ZNF570: variants seen among roughly 807,000 people sequenced by gnomAD.
ZNF570 encodes the protein zinc finger protein 570.
Under a neutral mutation model 14.2 loss-of-function variants are expected in ZNF570, and 8 were observed. That is an observed-to-expected ratio of 0.56 (90% confidence interval 0.33 to 1.02). The LOEUF (loss-of-function observed/expected upper bound fraction) is 1.02, where lower values mean the gene tolerates loss of function less well. Ranked by LOEUF, ZNF570 falls within the 50% of genes least tolerant of loss-of-function variation. ZNF570 has a pLI of 0.03. For missense variants in ZNF570, 559 were observed against 624.9 expected, an observed-to-expected ratio of 0.89 and a Z score of 1.12; for synonymous variants, 202 against 207.6, an observed-to-expected ratio of 0.97 and a Z score of 0.23.
At chr19:37,477,650 A>T (rs925604467) in intron 4 of ZNF570, among the ~76,000 whole-genome samples, 2 of 152,054 alleles carry the variant, frequency 1.3e-5, no homozygotes, top group African/African-American at 2.4e-5. Flanking sequence ...CCTGTAGCTT[A>T]TGTTTTTGAT....
Position 37,470,374 on chromosome 19 carries a change from A to G in ZNF570, c.20A>G (p.Lys7Arg), listed in dbSNP as rs1191899474. Residue 7 changes from lysine (K) to arginine (R), a missense_variant, in exon 2 of 5, where the codon AAA becomes AGA. By Grantham distance (26) the Lys-to-Arg change is conservative. Transcript: ENST00000330173. ...GAAAGAATGGCTGTTGGGCTTCTTAAAGCCATGTACCAGGTGTGTTGGTGT... is the reference window on the plus strand; with the variant it reads ...GAAAGAATGGCTGTTGGGCTTCTTAGAGCCATGTACCAGGTGTGTTGGTGT... MAVGLL[K>R]AMYQELVTFR... The G allele has an allele frequency of 6.2e-7, 1 of 1,613,954 alleles. No homozygotes were observed. Among genetic ancestry groups the G allele is most frequent in the African/African-American group, 1.3e-5 (1 of 74,914 alleles).
At chr19:37,473,825 A>G (rs2147006651) in intron 2 of ZNF570, among the ~76,000 whole-genome samples, 1 of 152,336 alleles carries the variant, frequency 6.6e-6, no homozygotes, top group Non-Finnish European at 1.5e-5. Flanking sequence ...GTGCTGAAGA[A>G]TTTAAGGACT....
upstream of ZNF570, chr19:37,469,289 C>T: frequency 7.1e-7 from 1 of 1,415,098 alleles, no homozygotes; most frequent in South Asian, 1.5e-5. Context: ...CTACGTTTCC[C>T]AGCGGACCCC....
At chr19:37,481,273 C>A (rs1304238089) in intron 4 of ZNF570, among the ~76,000 whole-genome samples, 1 of 152,038 alleles carries the variant, frequency 6.6e-6, no homozygotes, top group Non-Finnish European at 1.5e-5. Context: ...CCTGCCTCAG[C>A]CTCCCGAGTA....
At position 37,486,313 on chromosome 19, in the gene ZNF570, A is replaced by C. The variant is rs572180525; in HGVS notation, c.*1080A>C. 2 of 152,266 alleles carry C rather than the reference A, an allele frequency of 1.3e-5. No homozygotes were observed. The highest frequency in any genetic ancestry group is 3.9e-4 in the East Asian group (2 of 5,182). 9.4% of individuals were successfully genotyped at this position (152,266 alleles called of 1,614,324 possible). A position where few individuals can be genotyped will look rare whatever the true frequency, so the allele number is the denominator to read the frequency against. On this transcript the variant is annotated 3_prime_UTR_variant, in exon 5 of 5. Transcript: ENST00000330173. ...CTATGGCATTGCGTGACTTTGAGCA[A>C]TTTGCTTATCTAAACCTCAGGGTTT...
chr19:37,470,326 C>A lies in ZNF570; in HGVS notation c.-29C>A. 1 of 1,614,012 alleles carries A rather than the reference C, an allele frequency of 6.2e-7. No individual in the cohort carries two copies. Among genetic ancestry groups the A allele is most frequent in the Non-Finnish European group, 8.5e-7 (1 of 1,179,940 alleles). On this transcript the variant is annotated 5_prime_UTR_variant, in exon 2 of 5. Coordinates refer to ENST00000330173, the MANE Select transcript of ZNF570 (RefSeq NM_144694.5). Reference sequence around the variant, plus strand: ...CAGTCATCTGAGGCCACTGCTATTTCCCAAGAGAAGAGCCAGGAGGAAGAA... The same window carrying A: ...CAGTCATCTGAGGCCACTGCTATTTACCAAGAGAAGAGCCAGGAGGAAGAA...
chr19:37,468,074 T>TG, upstream of ZNF570: 1 of 714,090 alleles, frequency 1.4e-6, no homozygotes, highest in South Asian at 1.8e-5. Context: ...CTTTCGTGTT[T>TG]TTTTTTTTTT....
chr19:37,473,206 C>G (rs914871202), intron 2 of ZNF570, among the ~76,000 whole-genome samples: 1 of 152,170 alleles, frequency 6.6e-6, no homozygotes, highest in Non-Finnish European at 1.5e-5. Context: ...ATGTATCATG[C>G]AGCATTTCCG....
chr19:37,468,886 C>CG, upstream of ZNF570: 3 of 241,368 alleles, frequency 1.2e-5, no homozygotes, highest in Non-Finnish European at 2.0e-5. Flanking sequence ...CCCCGCTCCC[C>CG]TCCCAATTTT....
At position 37,475,982 on chromosome 19, in the gene ZNF570, G is replaced by T; in HGVS notation, c.135G>T (p.Glu45Asp). The change falls in exon 3 of 5, where the codon GAG becomes GAT. Residue 45 changes from glutamate (E) to aspartate (D), a missense_variant. Coordinates refer to ENST00000330173, the MANE Select transcript of ZNF570 (RefSeq NM_144694.5). The stretch of plus-strand genomic sequence containing the variant: ...ATCTGTACAGTAATGTGATGCTAGA[G>T]AACTACAGGATCTTGGTATCACTGG... ...QRHLYSNVML[E>D]NYRILVSLGL... The T allele has an allele frequency of 6.2e-7, 1 of 1,613,074 alleles. No individual in the cohort carries two copies. Among genetic ancestry groups the T allele is most frequent in the South Asian group, 1.1e-5 (1 of 90,746 alleles).
chr19:37,485,101 T>G lies in ZNF570; in HGVS notation c.1479T>G (p.Thr493=). The part of the protein sequence containing the change: ...GSLAQHQRIH[T]GERPYECKEC... ...TTGCCCAACATCAGAGAATTCATACTGGAGAGAGACCCTATGAATGTAAGG... is the reference window on the plus strand; with the variant it reads ...TTGCCCAACATCAGAGAATTCATACGGGAGAGAGACCCTATGAATGTAAGG... The change falls in exon 5 of 5, where the codon ACT becomes ACG. Residue 493 remains threonine (T), a synonymous_variant. Transcript: ENST00000330173. 1.2e-6 allele frequency: 2 copies of G among 1,614,058 alleles called. No homozygotes were observed. Among genetic ancestry groups the G allele is most frequent in the Non-Finnish European group, 1.7e-6 (2 of 1,179,988 alleles).
rs1207985468 is a variant in ZNF570 at position 37,487,247 on chromosome 19, TG to T, written c.*2015del. The T allele has an allele frequency of 1.3e-5, 2 of 149,624 alleles. No homozygotes were observed. Among genetic ancestry groups the T allele is most frequent in the Admixed American group, 1.3e-4 (2 of 15,034 alleles). 9.3% of individuals were successfully genotyped at this position (149,624 alleles called of 1,614,324 possible). On this transcript the variant is annotated 3_prime_UTR_variant, in exon 5 of 5. Transcript: ENST00000330173. ...AAAAAAAGCACTACCCCCAGCTAATTGTATGGTTAAATTCGGGTAATTTAGA... is the reference window on the plus strand; with the variant it reads ...AAAAAAAGCACTACCCCCAGCTAATTTATGGTTAAATTCGGGTAATTTAGA...
At position 37,484,451 on chromosome 19, in the gene ZNF570, A is replaced by C. The variant is rs1403087116; in HGVS notation, c.829A>C (p.Lys277Gln). 1.2e-6 allele frequency: 2 copies of C among 1,614,016 alleles called. No homozygotes were observed. The highest frequency in any genetic ancestry group is 2.2e-5 in the East Asian group (1 of 44,860). Residue 277 changes from lysine (K) to glutamine (Q), a missense_variant, in exon 5 of 5, where the codon AAG becomes CAG. Coordinates refer to ENST00000330173, the MANE Select transcript of ZNF570 (RefSeq NM_144694.5). Reference protein sequence around the residue: ...IHTGEKPYECKECRKAFSQNA... With the variant: ...IHTGEKPYECQECRKAFSQNA... ...TACTGGAGAAAAACCCTATGAATGT[A>C]AGGAATGTAGGAAAGCCTTCAGTCA... is the stretch of plus-strand genomic sequence containing the variant.
chr19:37,468,074 T>A, upstream of ZNF570: 1 of 714,090 alleles, frequency 1.4e-6, no homozygotes, highest in Non-Finnish European at 2.2e-6. Flanking sequence ...CTTTCGTGTT[T>A]TTTTTTTTTT....
chr19:37,483,122 A>G (rs2042106944), intron 4 of ZNF570, among the ~76,000 whole-genome samples: 2 of 151,710 alleles, frequency 1.3e-5, no homozygotes, highest in African/African-American at 4.8e-5. Context: ...ATTACCTTTT[A>G]CCTCCTGACT....
At chr19:37,468,077 T>G (rs911208612), upstream of ZNF570, 3 of 734,864 alleles carry the variant, frequency 4.1e-6, no homozygotes, top group African/African-American at 5.6e-5. Context: ...TCGTGTTTTT[T>G]TTTTTTTGTT....
rs746166438 is a variant in ZNF570 at position 37,485,225 on chromosome 19, G to A, written c.1603G>A (p.Val535Ile). ...LSPPNPVNHQ[V>I]L ...ACCACCCAACCCAGTCAATCACCAA[G>A]TCCTATAGATCCTGAGTCCTAAATG... Residue 535 changes from valine to isoleucine, a missense_variant, in exon 5 of 5, where the codon GTC becomes ATC. Coordinates refer to ENST00000330173, the MANE Select transcript of ZNF570 (RefSeq NM_144694.5). The A allele has an allele frequency of 1.9e-6, 3 of 1,542,350 alleles. No individual in the cohort carries two copies. Among genetic ancestry groups the A allele is most frequent in the Non-Finnish European group, 2.6e-6 (3 of 1,148,918 alleles).
chr19:37,470,185 GCTCT>G, intron 1 of ZNF570, 115 bp from the exon 2 acceptor site: 4 of 819,188 alleles, frequency 4.9e-6, no homozygotes, highest in Non-Finnish European at 7.7e-6. Flanking sequence ...TCTCCATTAT[GCTCT>G]CTCTATTGGA....
In ZNF570 at chr19:37,484,310, A is replaced by G. The variant is rs2042122828; in HGVS notation, c.688A>G (p.Ser230Gly). Residue 230 changes from serine (S) to glycine (G), a missense_variant, in exon 5 of 5, where the codon AGT (serine) becomes GGT (glycine). Physicochemically the swap from Ser to Gly is moderately conservative, Grantham distance 56. Transcript: ENST00000330173. Reference sequence around the variant, plus strand: ...TGACTGTGAAAAAGTCTTCAGCCAGAGTTCATCCCTTACTCTTCATCAAAG... The same window carrying G: ...TGACTGTGAAAAAGTCTTCAGCCAGGGTTCATCCCTTACTCTTCATCAAAG... ...CNDCEKVFSQSSSLTLHQRIH... is the reference protein window; with the variant it reads ...CNDCEKVFSQGSSLTLHQRIH... 6.2e-7 allele frequency: 1 copy of G among 1,613,672 alleles called. No individual in the cohort carries two copies. Among genetic ancestry groups the G allele is most frequent in the Non-Finnish European group, 8.5e-7 (1 of 1,179,958 alleles).
Sources: gnomAD v4.1 joint callset for allele counts (sites outside exome capture counted in the v4.1 genomes callset) on GRCh38, gnomAD v4.1.1 for gene constraint, MANE v1.5 for transcripts, NCBI Gene and HGNC (gene_info 2026-07-23, HGNC 2026-07-21) for gene names.